Variants in CDH23 observed in about 807,000 individuals in gnomAD.
CDH23 encodes the protein cadherin related 23, also known as cadherin-23.
In CDH23, 189 loss-of-function variants were observed where a neutral mutation model predicts 317.1. The observed-to-expected ratio is 0.60, with a 90% confidence interval of 0.53 to 0.67. The LOEUF is 0.67. CDH23 is among the 30% of genes least tolerant of loss of function. The probability of loss-of-function intolerance (pLI) is 0.00; values close to 1 mark genes in which losing one functional copy is unlikely to be tolerated. For missense variants in CDH23, 4,401 were observed against 4,592.4 expected, an observed-to-expected ratio of 0.96 and a Z score of 1.20; for synonymous variants, 1,839 against 1,876.8, an observed-to-expected ratio of 0.98 and a Z score of 0.52.
At chr10:71,523,838 G>A (rs188189755) in intron 6 of CDH23, among the ~76,000 whole-genome samples, 13 of 152,304 alleles carry the variant, frequency 8.5e-5, no homozygotes, top group African/African-American at 3.1e-4. Flanking sequence ...GAAGGCTGGC[G>A]GGGTCTCATC....
chr10:71,562,875 GGCCTGTCATGGT>G (rs1242222359), intron 6 of CDH23, among the ~76,000 whole-genome samples: 1 of 152,130 alleles, frequency 6.6e-6, no homozygotes, highest in Non-Finnish European at 1.5e-5. Context: ...TGTGGCTCTC[GGCCTGTCATGGT>G]GCCCACTCCA....
At chr10:71,689,017 T>TCAGGGGTGGTGGAGC (rs1865055842) in intron 19 of CDH23, among the ~76,000 whole-genome samples, 2 of 8,726 alleles carry the variant, frequency 2.3e-4, no homozygotes, top group East Asian at 4.5e-3. Flanking sequence ...GGTGGTGGAG[T>TCAGGGGTGGTGGAGC]CAGGGGTGGT....
intron 6 of CDH23, among the ~76,000 whole-genome samples, 177 bp from the exon 7 acceptor site, chr10:71,566,565 G>T (rs1857410849): frequency 6.6e-6 from 1 of 152,172 alleles, no homozygotes; most frequent in Non-Finnish European, 1.5e-5. Context: ...AAATGAAGAA[G>T]AGGAAAAGAA....
At chr10:71,638,049 T>C (rs920756482) in intron 11 of CDH23, among the ~76,000 whole-genome samples, 1 of 152,186 alleles carries the variant, frequency 6.6e-6, no homozygotes, top group Non-Finnish European at 1.5e-5. Context: ...ATAGGGAATT[T>C]CCTGGCTTAG....
chr10:71,506,477 A>G (rs116361294), intron 3 of CDH23, among the ~76,000 whole-genome samples: 2,507 of 152,342 alleles, frequency 0.016, 58 homozygotes, highest in African/African-American at 0.053. Context: ...TCAGGTGGGA[A>G]GCAAACCTGT....
intron 23 of CDH23, 104 bp downstream of exon 23, chr10:71,702,315 C>A: frequency 7.7e-7 from 1 of 1,305,874 alleles, no homozygotes; most frequent in Non-Finnish European, 1.1e-6. Context: ...AGGTCTATGT[C>A]TGATCACCAA....
chr10:71,712,818 G>A lies in CDH23; in HGVS notation c.3369+5G>A. 6.2e-7 allele frequency: 1 copy of A among 1,609,578 alleles called. No individual in the cohort carries two copies. On this transcript the variant is annotated splice_donor_5th_base_variant and intron_variant, in intron 28 of 69. Coordinates refer to ENST00000224721, the MANE Select transcript of CDH23 (RefSeq NM_022124.6). Reference sequence around the variant, plus strand: ...GAAGGCCACAGCATCTTGCAGGCAGGTGGCCCGTGGCCTCTGGGGCAGGTG... The same window carrying A: ...GAAGGCCACAGCATCTTGCAGGCAGATGGCCCGTGGCCTCTGGGGCAGGTG...
intron 14 of CDH23, among the ~76,000 whole-genome samples, chr10:71,649,431 G>A (rs1175460083): frequency 6.6e-6 from 1 of 152,218 alleles, no homozygotes; most frequent in Non-Finnish European, 1.5e-5. Flanking sequence ...TCCTGGCGTG[G>A]CCCTGCTTCA....
At chr10:71,690,362 C>A in intron 19 of CDH23, 106 bp from the exon 20 acceptor site, 3 of 737,174 alleles carry the variant, frequency 4.1e-6, no homozygotes, top group Non-Finnish European at 6.6e-6. Flanking sequence ...GAGGGTCCCA[C>A]GTCCTCCTCT....
chr10:71,441,389 C>G (rs1403723545), intron 2 of CDH23, among the ~76,000 whole-genome samples: 1 of 152,132 alleles, frequency 6.6e-6, no homozygotes, highest in Non-Finnish European at 1.5e-5. Flanking sequence ...CCCTCCTCCC[C>G]CATTCTGTTC....
chr10:71,532,737 T>TTTTTTTTTTTTTTG (rs1855471098), intron 6 of CDH23, among the ~76,000 whole-genome samples: 2 of 86,222 alleles, frequency 2.3e-5, no homozygotes, highest in Non-Finnish European at 4.6e-5. Context: ...GTTTTTTTTT[T>TTTTTTTTTTTTTTG]TTTTTTTTTT....
intron 14 of CDH23, among the ~76,000 whole-genome samples, chr10:71,662,144 G>C (rs1184785446): frequency 6.6e-6 from 1 of 151,816 alleles, no homozygotes; most frequent in African/African-American, 2.4e-5. Flanking sequence ...AGGGACCTGC[G>C]GGCGGAGTGA....
At chr10:71,767,808 A>C (rs1332423704) in intron 38 of CDH23, among the ~76,000 whole-genome samples, 1 of 152,222 alleles carries the variant, frequency 6.6e-6, no homozygotes, top group East Asian at 1.9e-4. Context: ...ACATCAGACC[A>C]AGGGGGCTGG....
At chr10:71,784,499 C>A in intron 42 of CDH23, 79 bp downstream of exon 42, 2 of 1,545,846 alleles carry the variant, frequency 1.3e-6, no homozygotes, top group South Asian at 1.2e-5. Context: ...AACATTGTTA[C>A]CCTTGTGCCA....
intron 9 of CDH23, among the ~76,000 whole-genome samples, chr10:71,610,800 C>G (rs1860832174): frequency 6.6e-6 from 1 of 151,456 alleles, no homozygotes; most frequent in South Asian, 2.1e-4. Flanking sequence ...CCTGGAGCTC[C>G]TAGAGGAGGT....
intron 1 of CDH23, among the ~76,000 whole-genome samples, chr10:71,413,835 A>G (rs1848431260): frequency 6.6e-6 from 1 of 152,124 alleles, no homozygotes; most frequent in South Asian, 2.1e-4. Flanking sequence ...TGCCTAGCTT[A>G]GCAATATTTG....
intron 18 of CDH23, 26 bp downstream of exon 18, chr10:71,682,598 G>A (rs1370988430): frequency 3.7e-6 from 6 of 1,609,964 alleles, no homozygotes; most frequent in Non-Finnish European, 4.2e-6. Context: ...CACTGGCCTT[G>A]CCCTGCTAGT....
chr10:71,742,738 G>A (rs956908903), intron 38 of CDH23, among the ~76,000 whole-genome samples: 1 of 152,236 alleles, frequency 6.6e-6, no homozygotes, highest in Non-Finnish European at 1.5e-5. Context: ...AAACCATGAG[G>A]AGGAAGAGGA....
chr10:71,556,437 C>T (rs1336649300), intron 6 of CDH23, among the ~76,000 whole-genome samples: 1 of 152,040 alleles, frequency 6.6e-6, no homozygotes, highest in Non-Finnish European at 1.5e-5. Context: ...CCTGTCTCTA[C>T]TAAAAATACA....
Sources: gnomAD v4.1 joint callset for allele counts (sites outside exome capture counted in the v4.1 genomes callset) on GRCh38, gnomAD v4.1.1 for gene constraint, MANE v1.5 for transcripts, NCBI Gene and HGNC (gene_info 2026-07-23, HGNC 2026-07-21) for gene names.